The following WDFY1 variants were observed in gnomAD, a reference collection of about 807,000 sequenced individuals.
WDFY1 encodes WD repeat and FYVE domain containing 1.
WDFY1 carries 32 observed loss-of-function variants against 56.4 expected under a neutral mutation model. The observed-to-expected ratio is 0.57, with a 90% CI of 0.43 to 0.76. The LOEUF is 0.76. WDFY1 is among the 30% of genes least tolerant of loss of function. The probability of loss-of-function intolerance (pLI) is 0.00; values close to 1 mark genes in which losing one functional copy is unlikely to be tolerated. For synonymous variants in WDFY1, 192 were observed against 197.3 expected (o/e 0.97, Z 0.23); for missense variants, 480 against 545.7 (o/e 0.88, Z 1.20).
intron 1 of WDFY1, among the ~76,000 whole-genome samples, chr2:223,931,112 A>T (rs1694064747): frequency 6.6e-6 from 1 of 152,274 alleles, no homozygotes; most frequent in Non-Finnish European, 1.5e-5. Context: ...AATTAAAAAT[A>T]AAAAGCATTT....
chr2:223,929,290 C>T (rs1329253775), intron 1 of WDFY1, among the ~76,000 whole-genome samples: 1 of 150,450 alleles, frequency 6.6e-6, no homozygotes, highest in African/African-American at 2.5e-5. Flanking sequence ...CGGGTTCAAG[C>T]GATTCTCCTG....
chr2:223,906,476 A>G (rs2106085536), intron 3 of WDFY1, among the ~76,000 whole-genome samples: 1 of 152,276 alleles, frequency 6.6e-6, no homozygotes, highest in Non-Finnish European at 1.5e-5. Flanking sequence ...CAACAACAAA[A>G]GAGAAATTTT....
chr2:223,935,272 C>A (rs974643676), intron 1 of WDFY1, among the ~76,000 whole-genome samples: 4 of 152,074 alleles, frequency 2.6e-5, no homozygotes, highest in Admixed American at 6.6e-5. Flanking sequence ...TCCACACAGG[C>A]GACTTTTTAC....
intron 1 of WDFY1, among the ~76,000 whole-genome samples, chr2:223,925,325 G>A (rs1447508045): frequency 6.6e-6 from 1 of 151,884 alleles, no homozygotes; most frequent in Non-Finnish European, 1.5e-5. Context: ...ACAAATTTTT[G>A]GTTTCCCATA....
In WDFY1 at chr2:223,932,343, C is replaced by T. The variant is rs188915378; in HGVS notation, c.137+12805G>A. 5.2e-3 allele frequency among the ~76,000 whole-genome samples: 780 copies of T among 150,520 alleles called. 2 individuals are homozygous for T. Among genetic ancestry groups the T allele is most frequent in the African/African-American group, 0.018 (747 of 41,000 alleles). On this transcript the variant is annotated intron_variant, in intron 1 of 11. Transcript: ENST00000233055. The stretch of plus-strand genomic sequence containing the variant: ...TTCACCGTGTTAGCCAGGATGGTCT[C>T]GATCTCCTGACATTGTGATTCGCCC...
At position 223,882,882 on chromosome 2, in the gene WDFY1, C is replaced by G. The variant is rs569682995; in HGVS notation, c.934-810G>C. Among the ~76,000 whole-genome samples, 8 of 152,072 alleles carry G rather than the reference C, an allele frequency of 5.3e-5. No individual in the cohort carries two copies. The East Asian group carries it at 1.5e-3, about 29-fold the overall frequency. On this transcript the variant is annotated intron_variant, in intron 9 of 11. Coordinates refer to ENST00000233055, the MANE Select transcript of WDFY1 (RefSeq NM_020830.5). ...AGCTGGCACTACACGTGTCTGCCAC[C>G]ATGTCTGGCTAATTTTTTGATTTTT... is the stretch of plus-strand genomic sequence containing the variant.
In WDFY1 at chr2:223,882,527, T is replaced by C. The variant is rs73994410; in HGVS notation, c.934-455A>G. On this transcript the variant is annotated intron_variant, in intron 9 of 11. Transcript: ENST00000233055. ...AATGTATCAATTAACACTCACAAGA[T>C]AGACAATTCTGACACTAGTCAAGGA... Among the ~76,000 whole-genome samples, 702 of 152,356 alleles carry C rather than the reference T, an allele frequency of 4.6e-3. 3 individuals are homozygous for C. The highest frequency in any genetic ancestry group is 0.024 in the Middle Eastern group (7 of 294).
chr2:223,894,081 A>G (rs1237549547), intron 8 of WDFY1, among the ~76,000 whole-genome samples, 153 bp downstream of exon 8: 2 of 152,266 alleles, frequency 1.3e-5, no homozygotes, highest in Admixed American at 1.3e-4. Flanking sequence ...AATGACACAA[A>G]GGACCTTGTC....
intron 4 of WDFY1, 73 bp downstream of exon 4, chr2:223,905,874 C>T: frequency 9.2e-7 from 1 of 1,086,050 alleles, no homozygotes; most frequent in Non-Finnish European, 1.3e-6. Context: ...TAATTTTCAT[C>T]ATAAGAGATG....
intron 8 of WDFY1, among the ~76,000 whole-genome samples, chr2:223,891,459 AT>A (rs1202484883): frequency 6.7e-6 from 1 of 148,700 alleles, no homozygotes; most frequent in Non-Finnish European, 1.5e-5. Flanking sequence ...CTTGCAATAC[AT>A]TTTCTCAGTT....
rs149953771 is a variant in WDFY1 at position 223,880,161 on chromosome 2, C to T, written c.1136G>A (p.Gly379Glu). Residue 379 changes from glycine (G) to glutamate (E), a missense_variant, in exon 11 of 12, where the codon GGA becomes GAA. Gly to Glu is a moderately conservative substitution (Grantham distance 98). Coordinates refer to ENST00000233055, the MANE Select transcript of WDFY1 (RefSeq NM_020830.5). ...ISHMSMDIAR[G>E]LMVTCGTDRI... is the part of the protein sequence containing the mutation. The stretch of plus-strand genomic sequence containing the variant: ...GTCGGTCCCACAGGTCACCATCAGT[C>T]CCCTGGCAATGTCCATGGACATGTG... The T allele has an allele frequency of 2.3e-4, 371 of 1,614,152 alleles. No homozygotes were observed. Among genetic ancestry groups the T allele is most frequent in the Non-Finnish European group, 3.0e-4 (352 of 1,180,012 alleles).
chr2:223,925,215 T>TAAAAAAAA (rs35020883), intron 1 of WDFY1, among the ~76,000 whole-genome samples: 1 of 139,694 alleles, frequency 7.2e-6, no homozygotes, highest in African/African-American at 2.7e-5. Context: ...TTTTTGTTCC[T>TAAAAAAAA]AAAAAAAAAA....
At chr2:223,917,541 T>C (rs1269701859) in intron 2 of WDFY1, among the ~76,000 whole-genome samples, 1 of 152,194 alleles carries the variant, frequency 6.6e-6, no homozygotes. Context: ...CATTTTGAAA[T>C]CTAGCAGCAA....
chr2:223,925,593 T>G (rs539510147), intron 1 of WDFY1, among the ~76,000 whole-genome samples: 4 of 152,184 alleles, frequency 2.6e-5, no homozygotes, highest in African/African-American at 9.7e-5. Context: ...AGAAGTTTGT[T>G]GCATCGATTG....
intron 8 of WDFY1, among the ~76,000 whole-genome samples, 195 bp downstream of exon 8, chr2:223,894,039 A>C (rs1360945104): frequency 6.6e-6 from 1 of 152,256 alleles, no homozygotes; most frequent in African/African-American, 2.4e-5. Context: ...TCATTGGTAG[A>C]AACTCTCAAA....
At chr2:223,916,454 C>G (rs2106091533) in intron 2 of WDFY1, among the ~76,000 whole-genome samples, 1 of 152,336 alleles carries the variant, frequency 6.6e-6, no homozygotes, top group Middle Eastern at 3.4e-3. Context: ...CTGTCAAGAG[C>G]TCTTCTTTGG....
At chr2:223,911,057 G>GA (rs1693690050) in intron 3 of WDFY1, among the ~76,000 whole-genome samples, 3 of 152,292 alleles carry the variant, frequency 2.0e-5, no homozygotes, top group Admixed American at 2.0e-4. Flanking sequence ...ATGCAGTATA[G>GA]AATGCTATTC....
chr2:223,926,779 T>C (rs774325010), intron 1 of WDFY1, among the ~76,000 whole-genome samples: 1 of 152,100 alleles, frequency 6.6e-6, no homozygotes, highest in South Asian at 2.1e-4. Flanking sequence ...GCGATTCTCA[T>C]GCTTCAGCCT....
intron 1 of WDFY1, among the ~76,000 whole-genome samples, chr2:223,931,028 C>T (rs946011341): frequency 1.3e-5 from 2 of 152,204 alleles, no homozygotes; most frequent in Non-Finnish European, 2.9e-5. Flanking sequence ...TTATGTAGCA[C>T]GAGCTAACTG....
Sources: gnomAD v4.1 joint callset for allele counts (sites outside exome capture counted in the v4.1 genomes callset) on GRCh38, gnomAD v4.1.1 for gene constraint, MANE v1.5 for transcripts, NCBI Gene and HGNC (gene_info 2026-07-23, HGNC 2026-07-21) for gene names.